The following TMEM132B variants were observed in gnomAD, a reference collection of about 807,000 sequenced individuals.
TMEM132B encodes transmembrane protein 132B.
TMEM132B carries 18 observed loss-of-function variants against 90.8 expected under a neutral mutation model. The observed-to-expected ratio is 0.20, with a 90% confidence interval of 0.14 to 0.29. TMEM132B has a LOEUF of 0.29. TMEM132B is among the 10% of genes least tolerant of loss of function. The pLI is 1.00. For missense variants in TMEM132B, 1,096 were observed against 1,326.8 expected (o/e 0.83, Z 2.70); for synonymous variants, 504 against 523.3 (o/e 0.96, Z 0.50).
chr12:125,485,215 C>T (rs1377323710), intron 3 of TMEM132B, among the ~76,000 whole-genome samples: 2 of 152,188 alleles, frequency 1.3e-5, no homozygotes, highest in Non-Finnish European at 2.9e-5. Context: ...GCTTGAGCAA[C>T]TGACTAATTG....
rs58083131 is a variant in TMEM132B at position 125,560,831 on chromosome 12, C to CAAAAAAAAAAAAAA, written c.1294-23004_1294-22991dup. Among the ~76,000 whole-genome samples the CAAAAAAAAAAAAAA allele has an allele frequency of 3.8e-4, 11 of 29,258 alleles. 5 individuals are homozygous for CAAAAAAAAAAAAAA. In the East Asian group the frequency reaches 8.2e-3, roughly 22 times the overall value. 19.2% of individuals were successfully genotyped at this position (29,258 alleles called of 152,430 possible). A position where few individuals can be genotyped will look rare whatever the true frequency, so the allele number is the denominator to read the frequency against. The stretch of plus-strand genomic sequence containing the variant: ...TGGGTGACAGAGCGAGACTCTGTCT[C>CAAAAAAAAAAAAAA]AAAAAAAAAAAAAAAAAAAAAAAAA... On this transcript the variant is annotated intron_variant, in intron 4 of 8. Coordinates refer to ENST00000682704, the MANE Select transcript of TMEM132B (RefSeq NM_001366854.1).
intron 1 of TMEM132B, among the ~76,000 whole-genome samples, chr12:125,261,788 T>C (rs1565986286): frequency 6.6e-6 from 1 of 152,182 alleles, no homozygotes; most frequent in Non-Finnish European, 1.5e-5. Context: ...TGGCATTTGC[T>C]TCCATAATCA....
intron 3 of TMEM132B, among the ~76,000 whole-genome samples, chr12:125,507,616 G>A (rs184641800): frequency 2.4e-4 from 36 of 152,284 alleles, no homozygotes; most frequent in Non-Finnish European, 3.8e-4. Context: ...CCCTGAGGCA[G>A]CAGCATGGCT....
At chr12:125,592,012 A>G (rs1885328980) in intron 5 of TMEM132B, among the ~76,000 whole-genome samples, 1 of 152,118 alleles carries the variant, frequency 6.6e-6, no homozygotes, top group Non-Finnish European at 1.5e-5. Context: ...TGTAAGGTAG[A>G]TATTTTCAAG....
At chr12:125,518,419 T>C (rs909578734) in intron 3 of TMEM132B, among the ~76,000 whole-genome samples, 57 of 152,180 alleles carry the variant, frequency 3.7e-4, no homozygotes, top group Admixed American at 6.5e-5. Flanking sequence ...CCTAGGAGGC[T>C]CATTGGCAGA....
intron 5 of TMEM132B, chr12:125,622,647 C>A (rs563013341): frequency 1.3e-4 from 125 of 985,304 alleles, no homozygotes; most frequent in Non-Finnish European, 1.5e-4. Context: ...AGGTGTCCAG[C>A]CTTCTCTGGG....
chr12:125,437,022 T>G (rs931327880), intron 3 of TMEM132B, among the ~76,000 whole-genome samples: 7 of 152,160 alleles, frequency 4.6e-5, no homozygotes, highest in Non-Finnish European at 8.8e-5. Context: ...ATGGATGCAG[T>G]TTTCAAGGGC....
chr12:125,262,106 G>T (rs867751288), intron 1 of TMEM132B, among the ~76,000 whole-genome samples: 1 of 151,976 alleles, frequency 6.6e-6, no homozygotes, highest in Non-Finnish European at 1.5e-5. Context: ...AAACAAGTGG[G>T]TCAATTTAAA....
At chr12:125,575,344 A>G (rs887692361) in intron 4 of TMEM132B, among the ~76,000 whole-genome samples, 1 of 151,554 alleles carries the variant, frequency 6.6e-6, no homozygotes, top group East Asian at 1.9e-4. Flanking sequence ...TTTATTGGCC[A>G]CTTGTATTAA....
chr12:125,307,057 T>C (rs943295784), intron 1 of TMEM132B, among the ~76,000 whole-genome samples: 8 of 152,220 alleles, frequency 5.3e-5, no homozygotes, highest in African/African-American at 1.9e-4. Context: ...TTTATGATGG[T>C]GGCCCTTGGC....
intron 4 of TMEM132B, among the ~76,000 whole-genome samples, chr12:125,567,255 A>C (rs1011722996): frequency 6.6e-6 from 1 of 150,512 alleles, no homozygotes; most frequent in African/African-American, 2.4e-5. Context: ...AATTTGTCTC[A>C]CCCCACCTGT....
intron 2 of TMEM132B, among the ~76,000 whole-genome samples, chr12:125,413,357 A>G (rs1425573016): frequency 1.3e-5 from 2 of 152,046 alleles, no homozygotes; most frequent in African/African-American, 4.8e-5. Flanking sequence ...TAAAATTTAC[A>G]TCACATAAAA....
At chr12:125,510,584 G>A (rs1882952697) in intron 3 of TMEM132B, among the ~76,000 whole-genome samples, 1 of 152,150 alleles carries the variant, frequency 6.6e-6, no homozygotes, top group Non-Finnish European at 1.5e-5. Flanking sequence ...TTCTTGATTA[G>A]AGAAATGTAT....
At chr12:125,329,639 C>T (rs180753632) in intron 1 of TMEM132B, among the ~76,000 whole-genome samples, 24 of 152,304 alleles carry the variant, frequency 1.6e-4, no homozygotes, top group Admixed American at 7.8e-4. Flanking sequence ...GATTCCCTAA[C>T]GGATGTCTCA....
chr12:125,252,838 A>G (rs1053169134), intron 1 of TMEM132B, among the ~76,000 whole-genome samples: 4 of 152,088 alleles, frequency 2.6e-5, no homozygotes, highest in African/African-American at 9.7e-5. Flanking sequence ...CGGTCTGTGC[A>G]CTCGCTGGGG....
intron 4 of TMEM132B, among the ~76,000 whole-genome samples, chr12:125,531,952 G>A (rs1048639432): frequency 2.6e-4 from 39 of 152,222 alleles, no homozygotes; most frequent in Admixed American, 1.4e-3. Context: ...TGTTATTCCA[G>A]CACATAGTGC....
intron 1 of TMEM132B, among the ~76,000 whole-genome samples, chr12:125,280,980 C>G (rs993798946): frequency 6.6e-6 from 1 of 152,132 alleles, no homozygotes; most frequent in Non-Finnish European, 1.5e-5. Context: ...ATTTCCATGA[C>G]AACAATTCAA....
At chr12:125,594,457 A>G (rs1362142320) in intron 5 of TMEM132B, among the ~76,000 whole-genome samples, 1 of 152,172 alleles carries the variant, frequency 6.6e-6, no homozygotes, top group Non-Finnish European at 1.5e-5. Flanking sequence ...AAGCTGCCAA[A>G]CTGTTTTCTA....
chr12:125,403,339 T>G (rs1452192982), intron 2 of TMEM132B, among the ~76,000 whole-genome samples: 2 of 152,208 alleles, frequency 1.3e-5, no homozygotes, highest in Non-Finnish European at 2.9e-5. Context: ...AGGGGCTTCT[T>G]TCATGCAAAC....
Sources: allele counts gnomAD v4.1 joint callset (sites outside exome capture counted in the v4.1 genomes callset), GRCh38; gene constraint gnomAD v4.1.1; transcripts MANE v1.5; gene names NCBI Gene and HGNC (gene_info 2026-07-23, HGNC 2026-07-21).